The following UGT1A10 variants were observed in gnomAD, a reference collection of about 807,000 sequenced individuals.
The protein encoded by UGT1A10 is UDP-glucuronosyltransferase 1A10.
A neutral mutation model predicts 45.8 loss-of-function variants in UGT1A10; 49 were observed. That is an observed-to-expected ratio of 1.07 (90% CI 0.85 to 1.36). UGT1A10 has a LOEUF of 1.36. Among genes scored for constraint, UGT1A10 ranks in the 40% most tolerant of loss-of-function variants. UGT1A10 has a pLI of 0.00. For synonymous variants in UGT1A10, 284 were observed against 249.7 expected, an observed-to-expected ratio of 1.14 and a Z score of -1.29; for missense variants, 745 against 668.6, an observed-to-expected ratio of 1.11 and a Z score of -1.26.
intron 1 of UGT1A10, chr2:233,648,336 C>A: frequency 6.4e-6 from 3 of 466,394 alleles, no homozygotes; most frequent in African/African-American, 2.0e-5. Flanking sequence ...CGGTGGTCTT[C>A]GCCAGAGGAA....
At chr2:233,700,527 C>T (rs1399866515) in intron 1 of UGT1A10, among the ~76,000 whole-genome samples, 1 of 152,026 alleles carries the variant, frequency 6.6e-6, no homozygotes, top group Non-Finnish European at 1.5e-5. Context: ...ATTTAGATAA[C>T]TCTAGGAGAA....
intron 1 of UGT1A10, among the ~76,000 whole-genome samples, chr2:233,668,854 T>C (rs1288053597): frequency 6.6e-6 from 1 of 152,244 alleles, no homozygotes; most frequent in African/African-American, 2.4e-5. Context: ...CCGCATGACA[T>C]TTACTCATCA....
chr2:233,772,111 T>C (rs1459691465), intron 4 of UGT1A10, 151 bp from the exon 5 acceptor site: 1 of 1,527,060 alleles, frequency 6.5e-7, no homozygotes, highest in East Asian at 2.5e-5. Context: ...AGACTCTGTA[T>C]CTAAAAACAA....
At chr2:233,687,010 C>T (rs1314780668) in intron 1 of UGT1A10, among the ~76,000 whole-genome samples, 2 of 152,192 alleles carry the variant, frequency 1.3e-5, no homozygotes. Flanking sequence ...CACTAGAGGA[C>T]TTTAGGAGGT....
intron 1 of UGT1A10, chr2:233,693,618 T>C (rs1440701846): frequency 6.2e-7 from 1 of 1,614,220 alleles, no homozygotes; most frequent in Admixed American, 1.7e-5. Flanking sequence ...CACATGACTT[T>C]TTCCCAACGA....
At chr2:233,729,021 C>G in intron 1 of UGT1A10, 4 of 1,593,202 alleles carry the variant, frequency 2.5e-6, no homozygotes, top group Non-Finnish European at 3.4e-6. Context: ...TCCAATTACA[C>G]GTTGATTTGC....
At chr2:233,754,812 C>T in intron 1 of UGT1A10, 1 of 1,317,570 alleles carries the variant, frequency 7.6e-7, no homozygotes. Context: ...AGAAGAAAAA[C>T]CACCCTCAAA....
chr2:233,662,156 C>T (rs960634990), intron 1 of UGT1A10, among the ~76,000 whole-genome samples: 1 of 152,098 alleles, frequency 6.6e-6, no homozygotes, highest in Admixed American at 6.5e-5. Flanking sequence ...CAAATGGTGT[C>T]ATGTATAGTC....
intron 1 of UGT1A10, chr2:233,713,556 A>G: frequency 1.2e-6 from 2 of 1,613,994 alleles, no homozygotes; most frequent in South Asian, 1.1e-5. Context: ...ACAGTGTCCA[A>G]ACCCTTCCTC....
chr2:233,718,024 G>C (rs566004281), intron 1 of UGT1A10: 1 of 386,248 alleles, frequency 2.6e-6, no homozygotes, highest in East Asian at 7.2e-5. Flanking sequence ...CAGCTCCCCA[G>C]GTCCTTTGGT....
chr2:233,658,019 T>C (rs978551744), intron 1 of UGT1A10, among the ~76,000 whole-genome samples: 1 of 11,248 alleles, frequency 8.9e-5, no homozygotes, highest in Non-Finnish European at 3.3e-4. Context: ...TTTCCTCCTC[T>C]TTTTTTTTTT....
At position 233,693,631 on chromosome 2, in the gene UGT1A10, G is replaced by T. The variant is rs17863783; in HGVS notation, c.855+56254G>T. The T allele has an allele frequency of 0.029, 47,294 of 1,614,074 alleles. 1,195 individuals are homozygous for T. Among genetic ancestry groups the T allele is most frequent in the African/African-American group, 0.12 (8,744 of 74,988 alleles). The stretch of plus-strand genomic sequence containing the variant: ...ACCACATGACTTTTTCCCAACGAGT[G>T]GCCAACTTCCTTGTTAATTTGTTGG... On this transcript the variant is annotated intron_variant, in intron 1 of 4. Coordinates refer to ENST00000344644, the MANE Select transcript of UGT1A10 (RefSeq NM_019075.4).
intron 1 of UGT1A10, among the ~76,000 whole-genome samples, chr2:233,678,950 A>G (rs976044976): frequency 2.0e-5 from 3 of 152,216 alleles, no homozygotes; most frequent in Non-Finnish European, 2.9e-5. Flanking sequence ...TCCAGAAGAA[A>G]TGTACTGTTT....
rs371639452 is a variant in UGT1A10 at position 233,765,570 on chromosome 2, C to T, written c.856-1464C>T. 3.9e-5 allele frequency among the ~76,000 whole-genome samples: 6 copies of T among 151,906 alleles called. No individual in the cohort carries two copies. In the South Asian group the frequency reaches 1.0e-3, roughly 26 times the overall value. ...GAGTTGAACAGTGAGAATGCGTAGACGCAGGGAGGGGAACAACACACACCA... is the reference window on the plus strand; with the variant it reads ...GAGTTGAACAGTGAGAATGCGTAGATGCAGGGAGGGGAACAACACACACCA... On this transcript the variant is annotated intron_variant, in intron 1 of 4. Coordinates refer to ENST00000344644, the MANE Select transcript of UGT1A10 (RefSeq NM_019075.4).
intron 1 of UGT1A10, among the ~76,000 whole-genome samples, chr2:233,686,736 G>A (rs1365120350): frequency 6.6e-6 from 1 of 152,116 alleles, no homozygotes; most frequent in Non-Finnish European, 1.5e-5. Flanking sequence ...TCAACCTCTT[G>A]CCTTCCCTAG....
chr2:233,691,099 CT>C (rs1347037651), intron 1 of UGT1A10: 1 of 986,026 alleles, frequency 1.0e-6, no homozygotes, highest in Admixed American at 6.1e-5. Flanking sequence ...CTTGATCCCG[CT>C]ATTCCTACAT....
intron 1 of UGT1A10, among the ~76,000 whole-genome samples, chr2:233,703,748 A>C (rs2075751541): frequency 1.3e-5 from 2 of 152,070 alleles, no homozygotes; most frequent in Admixed American, 1.3e-4. Flanking sequence ...TTTAAATCTC[A>C]AATGTATCTT....
At chr2:233,709,530 T>C (rs777975789) in intron 1 of UGT1A10, among the ~76,000 whole-genome samples, 1 of 152,190 alleles carries the variant, frequency 6.6e-6, no homozygotes, top group Non-Finnish European at 1.5e-5. Flanking sequence ...TTCTTTTTCC[T>C]ACTGTGATAT....
intron 1 of UGT1A10, chr2:233,691,380 T>C (rs1212630803): frequency 3.0e-6 from 3 of 985,440 alleles, no homozygotes; most frequent in Non-Finnish European, 3.6e-6. Context: ...CTGGTTATGT[T>C]CCCCATGGGG....
Sources: gnomAD v4.1 joint callset for allele counts (sites outside exome capture counted in the v4.1 genomes callset) on GRCh38, gnomAD v4.1.1 for gene constraint, MANE v1.5 for transcripts, NCBI Gene and HGNC (gene_info 2026-07-23, HGNC 2026-07-21) for gene names.